Variants in RBFOX3 observed in about 807,000 individuals in gnomAD.
The protein encoded by RBFOX3 is RNA binding fox-1 homolog 3, also known as RNA binding protein fox-1 homolog 3.
Under a neutral mutation model 48.7 loss-of-function variants are expected in RBFOX3, and 17 were observed. That is an observed-to-expected ratio of 0.35 (90% confidence interval 0.24 to 0.52). The LOEUF (loss-of-function observed/expected upper bound fraction) is 0.52. Ranked by LOEUF, RBFOX3 falls within the 20% of genes least tolerant of loss-of-function variation. The probability of loss-of-function intolerance (pLI) is 0.94; values close to 1 mark genes in which losing one functional copy is unlikely to be tolerated. For synonymous variants in RBFOX3, 212 were observed against 209.5 expected (o/e 1.01, Z -0.10); for missense variants, 382 against 497.5 (o/e 0.77, Z 2.21).
intron 5 of RBFOX3, 59 bp downstream of exon 5, chr17:79,115,435 T>G (rs2033640458): frequency 9.0e-7 from 1 of 1,117,294 alleles, no homozygotes. Flanking sequence ...ACCCTTCTTC[T>G]GGGTGGGTGC....
At chr17:79,342,399 T>C (rs746218234) in intron 2 of RBFOX3, among the ~76,000 whole-genome samples, 66 of 152,216 alleles carry the variant, frequency 4.3e-4, no homozygotes, top group Non-Finnish European at 2.9e-4. Context: ...AGAGTCGAAG[T>C]CTCTCTCTCT....
At chr17:79,643,265 A>G in the RBFOX3 span, among the ~76,000 whole-genome samples, 1 of 152,236 alleles carries the variant, frequency 6.6e-6, no homozygotes, top group African/African-American at 2.4e-5. Flanking sequence ...AGGAAAATAT[A>G]TAATTCGCAA....
intron 2 of RBFOX3, among the ~76,000 whole-genome samples, chr17:79,358,871 C>T (rs2085744697): frequency 1.3e-5 from 2 of 152,220 alleles, no homozygotes; most frequent in Admixed American, 6.5e-5. Flanking sequence ...ATCAGCTCTA[C>T]CTTCCTGCCA....
chr17:79,115,701 G>GTAGGGGGGGGGGGGT lies in RBFOX3; in HGVS notation c.14_15insACCCCCCCCCCCCTA (p.Pro4_Tyr5insTer). The stretch of plus-strand genomic sequence containing the variant: ...GCGGAGGGGGGTACTGGGCGGGGGG[G>GTAGGGGGGGGGGGGT]TAGGGCTGGGCCATCGCTTCAGGCG... On this transcript the variant is annotated stop_gained, in exon 5 of 15. Transcript: ENST00000693108. LOFTEE classifies it high-confidence loss of function. 7.2e-6 allele frequency: 3 copies of GTAGGGGGGGGGGGGT among 415,894 alleles called. No homozygotes were observed. Among genetic ancestry groups the GTAGGGGGGGGGGGGT allele is most frequent in the East Asian group, 5.9e-5 (1 of 16,810 alleles). 25.8% of individuals were successfully genotyped at this position (415,894 alleles called of 1,614,324 possible). A position where few individuals can be genotyped will look rare whatever the true frequency, so the allele number is the denominator to read the frequency against.
chr17:79,562,179 T>C (rs2092264136), intron 1 of RBFOX3, among the ~76,000 whole-genome samples: 1 of 152,230 alleles, frequency 6.6e-6, no homozygotes, highest in African/African-American at 2.4e-5. Flanking sequence ...GGACTCCTTT[T>C]TTCTTTATTC....
intron 4 of RBFOX3, among the ~76,000 whole-genome samples, chr17:79,211,712 C>T (rs2058409408): frequency 1.3e-5 from 2 of 152,212 alleles, no homozygotes; most frequent in Admixed American, 1.3e-4. Flanking sequence ...CCCGGTCCAT[C>T]TCCAGCCCTG....
At chr17:79,537,437 T>C (rs1485407733) in intron 1 of RBFOX3, among the ~76,000 whole-genome samples, 1 of 152,088 alleles carries the variant, frequency 6.6e-6, no homozygotes, top group Non-Finnish European at 1.5e-5. Context: ...CCAAATAAAG[T>C]CCCATTCACA....
chr17:79,489,240 T>TTAA (rs782251226), intron 1 of RBFOX3, among the ~76,000 whole-genome samples: 2 of 126,510 alleles, frequency 1.6e-5, no homozygotes, highest in Admixed American at 8.0e-5. Context: ...GCCAGAAAGT[T>TTAA]AAAAAAAAAA....
intron 2 of RBFOX3, among the ~76,000 whole-genome samples, chr17:79,416,087 G>C (rs568978404): frequency 1.3e-5 from 2 of 152,180 alleles, no homozygotes; most frequent in African/African-American, 4.8e-5. Context: ...GTGGTGCAAC[G>C]GAGTCCTTCC....
intron 1 of RBFOX3, among the ~76,000 whole-genome samples, chr17:79,595,818 C>T (rs1261389365): frequency 6.6e-6 from 1 of 152,148 alleles, no homozygotes. Flanking sequence ...CCCAATCTGC[C>T]AGCGGAGAAA....
intron 4 of RBFOX3, among the ~76,000 whole-genome samples, chr17:79,169,316 G>A (rs1036540519): frequency 1.3e-5 from 2 of 152,164 alleles, no homozygotes; most frequent in African/African-American, 4.8e-5. Context: ...AGATGCTGGG[G>A]TAGCGGTGAG....
intron 1 of RBFOX3, among the ~76,000 whole-genome samples, chr17:79,494,674 T>G (rs909970405): frequency 6.6e-6 from 1 of 152,120 alleles, no homozygotes. Context: ...CTCAGAGACA[T>G]AAACCCTCCC....
At chr17:79,110,324 A>G (rs747158287) in intron 5 of RBFOX3, among the ~76,000 whole-genome samples, 62 of 152,032 alleles carry the variant, frequency 4.1e-4, no homozygotes, top group South Asian at 1.0e-3. Flanking sequence ...GTTGCCACAC[A>G]GCACCTCCCA....
chr17:79,146,104 C>T (rs866996924), intron 4 of RBFOX3, among the ~76,000 whole-genome samples: 9 of 152,106 alleles, frequency 5.9e-5, no homozygotes, highest in African/African-American at 1.9e-4. Flanking sequence ...CAGGTGGTCA[C>T]GGCAGCGATG....
chr17:79,520,992 G>A (rs1417480995), intron 1 of RBFOX3, among the ~76,000 whole-genome samples: 4 of 152,232 alleles, frequency 2.6e-5, no homozygotes, highest in Non-Finnish European at 4.4e-5. Context: ...AAGCCCTCCC[G>A]AGCAGGGAGC....
chr17:79,194,908 C>T (rs1029360922), intron 4 of RBFOX3, among the ~76,000 whole-genome samples: 1 of 20,260 alleles, frequency 4.9e-5, no homozygotes, highest in Non-Finnish European at 9.7e-5. Flanking sequence ...ATTGAGTGCC[C>T]CCAGTTTTGT....
Position 79,421,188 on chromosome 17 carries a change from C to T in RBFOX3, c.-175+61266G>A, listed in dbSNP as rs1163304240. ...GCTCCGTGCCCTAACCTACAGGCCTCCATGCCCTAACCTCCGCGGCCGCTT... is the reference window on the plus strand; with the variant it reads ...GCTCCGTGCCCTAACCTACAGGCCTTCATGCCCTAACCTCCGCGGCCGCTT... On this transcript the variant is annotated intron_variant, in intron 2 of 14. Transcript: ENST00000693108. This position sits in a 1 kb window ranked among gnomAD's most constrained non-coding sequence, Gnocchi z 4.5. Among the ~76,000 whole-genome samples the T allele has an allele frequency of 6.6e-6, 1 of 152,160 alleles. No homozygotes were observed. The highest frequency in any genetic ancestry group is 1.5e-5 in the Non-Finnish European group (1 of 68,018).
intron 1 of RBFOX3, among the ~76,000 whole-genome samples, chr17:79,610,174 T>C (rs2145556914): frequency 6.6e-6 from 1 of 151,978 alleles, no homozygotes; most frequent in South Asian, 2.1e-4. Flanking sequence ...CCGCTCCTAT[T>C]TGGGGAGCTG....
chr17:79,550,074 T>C (rs1185482962), intron 1 of RBFOX3, among the ~76,000 whole-genome samples: 1 of 151,866 alleles, frequency 6.6e-6, no homozygotes. Flanking sequence ...CTCCATTTTC[T>C]GAGGTCTACA....
Sources: allele counts gnomAD v4.1 joint callset (sites outside exome capture counted in the v4.1 genomes callset), GRCh38; gene constraint gnomAD v4.1.1; non-coding constraint Gnocchi (gnomAD v3.1); transcripts MANE v1.5; gene names NCBI Gene and HGNC (gene_info 2026-07-23, HGNC 2026-07-21).